ASCC3: variants seen among roughly 807,000 people sequenced by gnomAD.
The protein encoded by ASCC3 is ASC-1 complex subunit P200.
ASCC3 carries 158 observed loss-of-function variants against 256.3 expected under a neutral mutation model. The observed-to-expected ratio is 0.62, with a 90% CI of 0.54 to 0.70. The LOEUF (loss-of-function observed/expected upper bound fraction) is 0.70. Among genes scored for constraint, ASCC3 ranks in the 30% least tolerant of loss-of-function variants. ASCC3 has a pLI of 0.00. For synonymous variants in ASCC3, 948 were observed against 883.4 expected (o/e 1.07, Z -1.30); for missense variants, 2,259 against 2,626.0 (o/e 0.86, Z 3.05).
chr6:100,733,556 A>G (rs535210892), intron 10 of ASCC3, among the ~76,000 whole-genome samples: 1 of 152,222 alleles, frequency 6.6e-6, no homozygotes, highest in East Asian at 1.9e-4. Context: ...CCGATGCCCA[A>G]TCTTGAACTT....
chr6:100,820,676 G>A (rs1770994710), intron 4 of ASCC3, among the ~76,000 whole-genome samples: 1 of 150,846 alleles, frequency 6.6e-6, no homozygotes, highest in Non-Finnish European at 1.5e-5. Flanking sequence ...TGCTTTAAAG[G>A]ATACCACCAT....
chr6:100,686,702 ACT>A (rs886976084), intron 13 of ASCC3, among the ~76,000 whole-genome samples: 3 of 152,046 alleles, frequency 2.0e-5, no homozygotes, highest in Admixed American at 1.3e-4. Context: ...ACAGAGTATA[ACT>A]CTGTACACAA....
At chr6:100,673,083 A>G (rs1224670197) in intron 14 of ASCC3, among the ~76,000 whole-genome samples, 1 of 152,012 alleles carries the variant, frequency 6.6e-6, no homozygotes, top group Non-Finnish European at 1.5e-5. Context: ...AGAAAGTGCT[A>G]TTTGCTCTGT....
intron 30 of ASCC3, among the ~76,000 whole-genome samples, chr6:100,607,941 CT>C (rs988552990): frequency 5.5e-5 from 8 of 144,588 alleles, no homozygotes; most frequent in East Asian, 2.0e-4. Context: ...ATGTGATAGC[CT>C]TTTTTTTTCT....
chr6:100,592,601 G>A (rs1772060945), intron 34 of ASCC3, among the ~76,000 whole-genome samples: 1 of 151,980 alleles, frequency 6.6e-6, no homozygotes, highest in Non-Finnish European at 1.5e-5. Context: ...CTGTGAATAA[G>A]GAATAGAGTA....
At chr6:100,828,548 CCTT>C (rs140534819) in intron 4 of ASCC3, among the ~76,000 whole-genome samples, 3,647 of 148,308 alleles carry the variant, frequency 0.025, 156 homozygotes, top group African/African-American at 0.084. Flanking sequence ...GGAGTTTGCT[CCTT>C]CTGATGTTCC....
rs112632105 is a variant in ASCC3 at position 100,844,964 on chromosome 6, T to A, written c.801+3184A>T. 1.3e-4 allele frequency among the ~76,000 whole-genome samples: 20 copies of A among 152,174 alleles called. 1 individual carries two copies. The highest frequency in any genetic ancestry group is 2.1e-4 in the Non-Finnish European group (14 of 68,010). ...CTGAGGAATTATTAAAATTTATCTT[T>A]AACAGGATCTAAAAGTTTCATCCTT... On this transcript the variant is annotated intron_variant, in intron 4 of 41. Transcript: ENST00000369162.
intron 37 of ASCC3, among the ~76,000 whole-genome samples, chr6:100,538,929 C>T (rs890301697): frequency 1.3e-5 from 2 of 152,014 alleles, no homozygotes; most frequent in African/African-American, 4.8e-5. Flanking sequence ...CCTTTATAAT[C>T]GCAATCCTTT....
Position 100,589,690 on chromosome 6 carries a change from A to G in ASCC3, c.5494T>C (p.Phe1832Leu). The change falls in exon 36 of 42, where the codon TTC becomes CTC. Residue 1832 changes from phenylalanine (F) to leucine (L), a missense_variant. By Grantham distance (22) the Phe-to-Leu change is conservative. This residue lies in a region of ASCC3 where 1,839 missense variants were observed against 2,206.7 expected (regional missense o/e 0.83). Transcript: ENST00000369162. Reference protein sequence around the residue: ...YYLKHQTVKMFKDRLKPECST... With the variant: ...YYLKHQTVKMLKDRLKPECST... Reference sequence around the variant, plus strand: ...CATTCAGGCTTCAAGCGGTCCTTGAACATTTTAACTGTTTGATGCTTCAAA... The same window carrying G: ...CATTCAGGCTTCAAGCGGTCCTTGAGCATTTTAACTGTTTGATGCTTCAAA... The G allele has an allele frequency of 6.2e-7, 1 of 1,613,820 alleles. No homozygotes were observed. The highest frequency in any genetic ancestry group is 8.5e-7 in the Non-Finnish European group (1 of 1,179,812).
chr6:100,670,318 T>C (rs1043414513), intron 14 of ASCC3, among the ~76,000 whole-genome samples: 3 of 151,870 alleles, frequency 2.0e-5, no homozygotes, highest in South Asian at 2.1e-4. Context: ...CCATGGGGGA[T>C]TGATTCAACA....
chr6:100,571,232 C>A (rs1396836054), intron 36 of ASCC3, among the ~76,000 whole-genome samples: 1 of 152,162 alleles, frequency 6.6e-6, no homozygotes, highest in South Asian at 2.1e-4. Flanking sequence ...TTGCTTTTCC[C>A]TCTGCCCAGG....
intron 10 of ASCC3, among the ~76,000 whole-genome samples, chr6:100,760,539 TTAAAG>T (rs1351178757): frequency 6.6e-6 from 1 of 152,172 alleles, no homozygotes; most frequent in African/African-American, 2.4e-5. Context: ...GACAAGACTT[TTAAAG>T]TAATTATCAT....
intron 37 of ASCC3, among the ~76,000 whole-genome samples, chr6:100,533,133 TAA>T: frequency 6.6e-6 from 1 of 152,100 alleles, no homozygotes; most frequent in Non-Finnish European, 1.5e-5. Context: ...TTTTTCAATA[TAA>T]AGTGTTTTCT....
intron 34 of ASCC3, among the ~76,000 whole-genome samples, chr6:100,599,231 T>C (rs1165373064): frequency 6.6e-6 from 1 of 152,216 alleles, no homozygotes; most frequent in Non-Finnish European, 1.5e-5. Context: ...CCTTTTAATA[T>C]TATGTCCTGA....
At chr6:100,864,900 A>G (rs1252236184) in intron 2 of ASCC3, among the ~76,000 whole-genome samples, 1 of 152,208 alleles carries the variant, frequency 6.6e-6, no homozygotes, top group Non-Finnish European at 1.5e-5. Context: ...TCAAGAACTG[A>G]CCACAGAACA....
At chr6:100,641,517 T>A (rs1379077306) in intron 24 of ASCC3, among the ~76,000 whole-genome samples, 1 of 152,230 alleles carries the variant, frequency 6.6e-6, no homozygotes, top group Non-Finnish European at 1.5e-5. Context: ...TGTCTGTTCA[T>A]ATCCTTTGCC....
chr6:100,678,810 A>G (rs1777151056), intron 14 of ASCC3, among the ~76,000 whole-genome samples: 3 of 152,194 alleles, frequency 2.0e-5, no homozygotes, highest in African/African-American at 7.2e-5. Context: ...TTTCTCCAGT[A>G]GTGCAAAAAA....
intron 36 of ASCC3, among the ~76,000 whole-genome samples, chr6:100,585,347 T>C (rs1031637505): frequency 1.3e-5 from 2 of 152,210 alleles, no homozygotes; most frequent in African/African-American, 2.4e-5. Context: ...CCATCGCTGA[T>C]ACCCTTTCTT....
rs1343243908 is a variant in ASCC3 at position 100,799,541 on chromosome 6, G to C, written c.1159C>G (p.Pro387Ala). Residue 387 changes from proline (P) to alanine (A), a missense_variant, in exon 7 of 42, where the codon CCA becomes GCA. Around this residue, in one of 2 missense-constraint regions of ASCC3, gnomAD observed 1,839 missense variants for 2,206.7 expected, o/e 0.83. Transcript: ENST00000369162. ...GCATCTCTCTGCCTGCTCAGAATTG[G>C]AACACTTCTAGCATTCAGAAGTGCC... ...EQALLNARSV[P>A]ILSRQRDADV... is the part of the protein sequence containing the mutation. The C allele has an allele frequency of 1.2e-6, 2 of 1,612,746 alleles. No homozygotes were observed. Among genetic ancestry groups the C allele is most frequent in the Non-Finnish European group, 1.7e-6 (2 of 1,179,408 alleles).
Sources: allele counts gnomAD v4.1 joint callset (sites outside exome capture counted in the v4.1 genomes callset), GRCh38; gene constraint gnomAD v4.1.1; regional missense constraint gnomAD v4.1.1; transcripts MANE v1.5; gene names NCBI Gene and HGNC (gene_info 2026-07-23, HGNC 2026-07-21).